ARHGAP32: variants seen among roughly 807,000 people sequenced by gnomAD.
The protein encoded by ARHGAP32 is Rho GTPase activating protein 32, also known as rho GTPase-activating protein 32.
A neutral mutation model predicts 186.5 loss-of-function variants in ARHGAP32; 51 were observed. The ratio of observed to expected loss-of-function variants is 0.27; its 90% CI spans 0.22 to 0.35. ARHGAP32 has a LOEUF of 0.35. Ranked by LOEUF, ARHGAP32 falls within the 10% of genes least tolerant of loss-of-function variation. ARHGAP32 has a pLI of 1.00. For synonymous variants in ARHGAP32, 950 were observed against 964.3 expected (o/e 0.99, Z 0.27); for missense variants, 2,186 against 2,623.5 (o/e 0.83, Z 3.64).
intron 7 of ARHGAP32, among the ~76,000 whole-genome samples, chr11:129,065,704 C>T (rs1940663956): frequency 2.0e-5 from 3 of 152,080 alleles, no homozygotes; most frequent in Admixed American, 2.0e-4. Context: ...AATCTCAGAA[C>T]ATCACTTTAT....
intron 12 of ARHGAP32, among the ~76,000 whole-genome samples, chr11:128,990,671 T>C (rs1946023092): frequency 6.6e-6 from 1 of 152,218 alleles, no homozygotes; most frequent in Admixed American, 6.5e-5. Context: ...CGAAATGATA[T>C]GCAAAATACA....
At chr11:129,248,298 T>C (rs1185786214) in intron 1 of ARHGAP32, among the ~76,000 whole-genome samples, 2 of 151,946 alleles carry the variant, frequency 1.3e-5, no homozygotes, top group Non-Finnish European at 2.9e-5. Flanking sequence ...CTTCTAGAAG[T>C]TCTATAAGCT....
chr11:129,055,433 T>C (rs1940212406), intron 10 of ARHGAP32, among the ~76,000 whole-genome samples: 1 of 152,228 alleles, frequency 6.6e-6, no homozygotes, highest in Admixed American at 6.5e-5. Context: ...TATTCCTTGG[T>C]ATTTACTCAA....
chr11:129,017,509 T>C (rs1179665697), intron 11 of ARHGAP32, among the ~76,000 whole-genome samples: 2 of 151,394 alleles, frequency 1.3e-5, no homozygotes, highest in Admixed American at 6.6e-5. Context: ...AACAGCATTA[T>C]TGTGAGAATT....
At position 128,973,076 on chromosome 11, in the gene ARHGAP32, G is replaced by A; in HGVS notation, c.3430C>T (p.Pro1144Ser). 1 of 1,614,148 alleles carries A rather than the reference G, an allele frequency of 6.2e-7. No individual in the cohort carries two copies. Among genetic ancestry groups the A allele is most frequent in the Non-Finnish European group, 8.5e-7 (1 of 1,180,036 alleles). ...PLPETTATGD[P>S]THSNTTESGE... ...GATTCAGTTGTGTTGGAATGGGTAGGATCCCCAGTAGCTGTTGTCTCTGGT... is the reference window on the plus strand; with the variant it reads ...GATTCAGTTGTGTTGGAATGGGTAGAATCCCCAGTAGCTGTTGTCTCTGGT... The change falls in exon 22 of 23, where the codon CCT (proline) becomes TCT (serine). Residue 1144 changes from proline (P) to serine (S), a missense_variant. This residue lies in a region of ARHGAP32 where 1,502 missense variants were observed against 1,570.0 expected (regional missense o/e 0.96). Coordinates refer to ENST00000682385, the MANE Select transcript of ARHGAP32 (RefSeq NM_001378024.1).
upstream of ARHGAP32, among the ~76,000 whole-genome samples, chr11:129,193,319 G>T (rs1378642509): frequency 1.0e-4 from 2 of 20,064 alleles, no homozygotes. Flanking sequence ...GGGGGGGGGG[G>T]GGGGGGGGCG....
intron 11 of ARHGAP32, among the ~76,000 whole-genome samples, chr11:129,025,216 A>C (rs1938781548): frequency 6.6e-6 from 1 of 152,140 alleles, no homozygotes; most frequent in Non-Finnish European, 1.5e-5. Flanking sequence ...GAGATGAAGC[A>C]ATTTGCCAAG....
chr11:129,269,597 C>A (rs1011192919), intron 1 of ARHGAP32, among the ~76,000 whole-genome samples: 1 of 152,034 alleles, frequency 6.6e-6, no homozygotes, highest in African/African-American at 2.4e-5. Flanking sequence ...CACAGTGGCA[C>A]GCACCTATAG....
chr11:129,264,307 G>T (rs1015975367), intron 1 of ARHGAP32, among the ~76,000 whole-genome samples: 1 of 152,130 alleles, frequency 6.6e-6, no homozygotes, highest in Non-Finnish European at 1.5e-5. Flanking sequence ...ACATTCTGGA[G>T]ATCTATTGCA....
At chr11:129,063,080 T>TA (rs1169225200) in intron 9 of ARHGAP32, among the ~76,000 whole-genome samples, 1 of 152,158 alleles carries the variant, frequency 6.6e-6, no homozygotes, top group African/African-American at 2.4e-5. Flanking sequence ...ATATCTATGA[T>TA]AAAACATAGT....
At chr11:129,181,888 G>A (rs1234976219) in intron 1 of ARHGAP32, among the ~76,000 whole-genome samples, 1 of 152,030 alleles carries the variant, frequency 6.6e-6, no homozygotes, top group African/African-American at 2.4e-5. Context: ...TACCTGCCAA[G>A]GTAATCAATT....
At chr11:129,188,947 T>G (rs1944220571) in intron 1 of ARHGAP32, among the ~76,000 whole-genome samples, 1 of 152,146 alleles carries the variant, frequency 6.6e-6, no homozygotes. Context: ...CTAAACAAAA[T>G]CATATGATAA....
intron 10 of ARHGAP32, among the ~76,000 whole-genome samples, chr11:129,050,139 G>A (rs1419085730): frequency 2.0e-5 from 3 of 152,182 alleles, no homozygotes; most frequent in Non-Finnish European, 4.4e-5. Flanking sequence ...TTTCAAATGA[G>A]TTGTGACATC....
At chr11:129,026,823 G>A (rs1189310183) in intron 11 of ARHGAP32, among the ~76,000 whole-genome samples, 1 of 131,102 alleles carries the variant, frequency 7.6e-6, no homozygotes, top group Non-Finnish European at 1.6e-5. Context: ...AAAAAGGCCA[G>A]GTGCAGTGGC....
chr11:129,170,196 CTTTTT>C (rs1943728895), intron 1 of ARHGAP32, among the ~76,000 whole-genome samples: 2 of 139,852 alleles, frequency 1.4e-5, no homozygotes, highest in African/African-American at 2.7e-5. Context: ...TAATTTCTTT[CTTTTT>C]AATTTCTTCA....
intron 1 of ARHGAP32, among the ~76,000 whole-genome samples, chr11:129,232,575 G>C (rs1944873007): frequency 6.6e-6 from 1 of 152,070 alleles, no homozygotes; most frequent in Non-Finnish European, 1.5e-5. Context: ...GATGAGATCA[G>C]TAATGATGTT....
At chr11:129,078,782 C>T (rs1022124808) in intron 6 of ARHGAP32, among the ~76,000 whole-genome samples, 1 of 152,070 alleles carries the variant, frequency 6.6e-6, no homozygotes, top group African/African-American at 2.4e-5. Flanking sequence ...CGTGAGCCAC[C>T]GTACCCGGCC....
chr11:129,114,548 A>T (rs1942312579), intron 5 of ARHGAP32, among the ~76,000 whole-genome samples: 1 of 152,068 alleles, frequency 6.6e-6, no homozygotes, highest in African/African-American at 2.4e-5. Flanking sequence ...GTTTTAATAC[A>T]CCCTATACAT....
chr11:129,133,430 A>C (rs557026280), intron 2 of ARHGAP32, among the ~76,000 whole-genome samples: 2 of 152,328 alleles, frequency 1.3e-5, no homozygotes, highest in South Asian at 4.1e-4. Context: ...AAAACAAAAC[A>C]AGTAACATCA....
Sources: gnomAD v4.1 joint callset for allele counts (sites outside exome capture counted in the v4.1 genomes callset) on GRCh38, gnomAD v4.1.1 for gene constraint, gnomAD v4.1.1 regional missense constraint, MANE v1.5 for transcripts, NCBI Gene and HGNC (gene_info 2026-07-23, HGNC 2026-07-21) for gene names.